The following GPC4 variants were observed in gnomAD, a reference collection of about 807,000 sequenced individuals.
The protein encoded by GPC4 is glypican 4, also known as glypican-4.
In GPC4, 10 loss-of-function variants were observed where a neutral mutation model predicts 35.0. The ratio of observed to expected loss-of-function variants is 0.29; its 90% CI spans 0.18 to 0.48. GPC4 has a LOEUF of 0.48. Ranked by LOEUF, GPC4 falls within the 20% of genes least tolerant of loss-of-function variation. The probability of loss-of-function intolerance (pLI) is 0.99; values close to 1 mark genes in which losing one functional copy is unlikely to be tolerated. For synonymous variants in GPC4, 167 were observed against 170.2 expected, an observed-to-expected ratio of 0.98 and a Z score of 0.15; for missense variants, 322 against 451.3, an observed-to-expected ratio of 0.71 and a Z score of 2.60.
intron 1 of GPC4, among the ~76,000 whole-genome samples, chrX:133,388,539 CT>C (rs756300518): frequency 1.8e-3 from 191 of 103,828 alleles, no homozygotes; most frequent in East Asian, 3.3e-3. Flanking sequence ...CAGCCAACTC[CT>C]TTTTTTTTTT....
intron 1 of GPC4, among the ~76,000 whole-genome samples, chrX:133,392,666 C>CA (rs141927848): frequency 0.018 from 1,318 of 72,373 alleles, 25 homozygotes; most frequent in African/African-American, 0.047. Context: ...AAAAACAAAA[C>CA]AAAAAAAAAA....
intron 1 of GPC4, among the ~76,000 whole-genome samples, chrX:133,387,712 T>A (rs188171374): frequency 7.2e-5 from 8 of 111,875 alleles, no homozygotes; most frequent in Admixed American, 5.7e-4. Context: ...TTCCTGTAAA[T>A]GAGCGCTAGA....
chrX:133,315,820 A>G (rs943856418), intron 3 of GPC4, among the ~76,000 whole-genome samples: 2 of 111,667 alleles, frequency 1.8e-5, no homozygotes, highest in Non-Finnish European at 3.8e-5. Flanking sequence ...GGGTTGGTTG[A>G]GCCTAGATAT....
intron 3 of GPC4, among the ~76,000 whole-genome samples, chrX:133,319,382 T>TGCAGTGAGCC (rs2068353279): frequency 1.1e-5 from 1 of 91,163 alleles, no homozygotes; most frequent in African/African-American, 4.4e-5. Flanking sequence ...AGATTGAGGC[T>TGCAGTGAGCC]GCAGTGAGCC....
chrX:133,376,734 G>C (rs146458309), intron 1 of GPC4, among the ~76,000 whole-genome samples: 1 of 112,232 alleles, frequency 8.9e-6, no homozygotes, highest in East Asian at 2.8e-4. Flanking sequence ...TTGTGAGCTG[G>C]TTCTCTGGAA....
At chrX:133,341,771 G>A (rs1056482768) in intron 1 of GPC4, among the ~76,000 whole-genome samples, 6 of 110,957 alleles carry the variant, frequency 5.4e-5, no homozygotes, top group African/African-American at 2.0e-4. Flanking sequence ...CTCTGTTGAA[G>A]AAGGTGCTAG....
intron 4 of GPC4, among the ~76,000 whole-genome samples, chrX:133,308,357 G>A (rs2068300115): frequency 8.9e-6 from 1 of 112,074 alleles, no homozygotes. Context: ...AATAGGGTTG[G>A]CCCTGAGTCA....
intron 1 of GPC4, among the ~76,000 whole-genome samples, chrX:133,390,238 A>G (rs2068713397): frequency 9.0e-6 from 1 of 111,702 alleles, no homozygotes; most frequent in Non-Finnish European, 1.9e-5. Flanking sequence ...GTCTCTTCTG[A>G]TGTACACATA....
intron 1 of GPC4, among the ~76,000 whole-genome samples, chrX:133,382,758 C>A (rs1038449729): frequency 8.9e-5 from 10 of 111,967 alleles, no homozygotes; most frequent in Non-Finnish European, 1.7e-4. Context: ...AACAAACAAA[C>A]AAAAAAACAG....
chrX:133,304,128 C>T (rs2068280641), intron 7 of GPC4, among the ~76,000 whole-genome samples: 1 of 83,839 alleles, frequency 1.2e-5, no homozygotes, highest in Admixed American at 1.2e-4. Context: ...CCTGTCACTA[C>T]TAAAAATACA....
intron 7 of GPC4, 46 bp from the exon 8 acceptor site, chrX:133,303,387 G>C: frequency 9.3e-7 from 1 of 1,078,196 alleles, no homozygotes; most frequent in African/African-American, 1.8e-5. Flanking sequence ...AAAGCGAAAA[G>C]ATTTTATCTG....
chrX:133,316,818 G>A (rs1457827607), intron 3 of GPC4, among the ~76,000 whole-genome samples: 2 of 111,766 alleles, frequency 1.8e-5, no homozygotes, highest in Admixed American at 9.5e-5. Flanking sequence ...AAACACTGCT[G>A]GATGTGAAGA....
intron 1 of GPC4, among the ~76,000 whole-genome samples, chrX:133,397,922 G>A (rs917792324): frequency 1.8e-5 from 2 of 110,855 alleles, no homozygotes; most frequent in Non-Finnish European, 3.8e-5. Flanking sequence ...TTAGCTGGGC[G>A]TGGTGGTGGC....
intron 3 of GPC4, among the ~76,000 whole-genome samples, chrX:133,318,776 C>T (rs184040815): frequency 1.8e-5 from 2 of 112,262 alleles, no homozygotes; most frequent in Non-Finnish European, 3.8e-5. Flanking sequence ...TGACAAATAA[C>T]GATGGAATAA....
intron 1 of GPC4, among the ~76,000 whole-genome samples, chrX:133,352,964 T>C (rs978625245): frequency 8.9e-6 from 1 of 112,081 alleles, no homozygotes; most frequent in Admixed American, 9.5e-5. Flanking sequence ...TGTCTACTTA[T>C]GACATAAAAA....
At chrX:133,383,107 T>C (rs1291784569) in intron 1 of GPC4, among the ~76,000 whole-genome samples, 1 of 112,121 alleles carries the variant, frequency 8.9e-6, no homozygotes, top group Non-Finnish European at 1.9e-5. Context: ...CAGATGTTTA[T>C]AGCAGCTTAT....
intron 3 of GPC4, among the ~76,000 whole-genome samples, chrX:133,319,123 A>G (rs2068351901): frequency 9.0e-6 from 1 of 111,582 alleles, no homozygotes; most frequent in East Asian, 2.8e-4. Flanking sequence ...AAACAAGACC[A>G]TGATGCTTTT....
At chrX:133,409,414 T>A (rs2068804015) in intron 1 of GPC4, among the ~76,000 whole-genome samples, 1 of 101,901 alleles carries the variant, frequency 9.8e-6, no homozygotes, top group African/African-American at 3.5e-5. Flanking sequence ...CAATCTATCA[T>A]CAAGGCAGTA....
In GPC4 at chrX:133,399,601, T is replaced by A. The variant is rs750043575; in HGVS notation, c.160+15205A>T. On this transcript the variant is annotated intron_variant, in intron 1 of 8. Transcript: ENST00000370828. Reference sequence around the variant, plus strand: ...ACCAACCAATCAGGGCTCACTTGTATCAACCAATCAGGGCCCAGCTGAGTC... The same window carrying A: ...ACCAACCAATCAGGGCTCACTTGTAACAACCAATCAGGGCCCAGCTGAGTC... Among the ~76,000 whole-genome samples, 208 of 112,328 alleles carry A rather than the reference T, an allele frequency of 1.9e-3. 2 individuals are homozygous for A. The highest frequency in any genetic ancestry group is 6.4e-3 in the African/African-American group (199 of 30,951).
Sources: gnomAD v4.1 joint callset for allele counts (sites outside exome capture counted in the v4.1 genomes callset) on GRCh38, gnomAD v4.1.1 for gene constraint, MANE v1.5 for transcripts, NCBI Gene and HGNC (gene_info 2026-07-23, HGNC 2026-07-21) for gene names.